IFT81: variants seen among roughly 807,000 people sequenced by gnomAD.
IFT81 encodes intraflagellar transport protein 81 homolog.
IFT81 carries 72 observed loss-of-function variants against 102.6 expected under a neutral mutation model. The observed-to-expected ratio is 0.70, with a 90% CI of 0.58 to 0.85. The LOEUF is 0.85. Ranked by LOEUF, IFT81 falls within the 40% of genes least tolerant of loss-of-function variation. The pLI, the probability that IFT81 is intolerant of heterozygous loss-of-function variation, is 0.00. For synonymous variants in IFT81, 237 were observed against 242.7 expected (o/e 0.98, Z 0.22); for missense variants, 723 against 787.3 (o/e 0.92, Z 0.98).
At chr12:110,175,836 A>G (rs1897012880) in intron 11 of IFT81, among the ~76,000 whole-genome samples, 1 of 151,878 alleles carries the variant, frequency 6.6e-6, no homozygotes, top group Non-Finnish European at 1.5e-5. Flanking sequence ...TTATTTTTAG[A>G]CAGAGTCTGT....
intron 12 of IFT81, among the ~76,000 whole-genome samples, chr12:110,188,798 A>C (rs1344819373): frequency 1.3e-5 from 2 of 151,268 alleles, no homozygotes; most frequent in Admixed American, 6.6e-5. Context: ...GCATAGTGGC[A>C]CGCGCCTGTA....
intron 8 of IFT81, among the ~76,000 whole-genome samples, chr12:110,141,493 T>C (rs1036545419): frequency 6.6e-6 from 1 of 152,242 alleles, no homozygotes; most frequent in African/African-American, 2.4e-5. Flanking sequence ...AAAAATAGTT[T>C]TAAGGCTTTG....
At chr12:110,139,854 AATAAAATAAAAT>A (rs1217128612) in intron 8 of IFT81, among the ~76,000 whole-genome samples, 2 of 108,276 alleles carry the variant, frequency 1.8e-5, no homozygotes, top group Non-Finnish European at 3.9e-5. Context: ...AAATAAATAA[AATAAAATAAAAT>A]ATAAAATAAA....
chr12:110,129,792 CTG>C (rs1385524487), intron 4 of IFT81, among the ~76,000 whole-genome samples: 2 of 151,856 alleles, frequency 1.3e-5, no homozygotes, highest in African/African-American at 4.8e-5. Context: ...TGGTCAAAGA[CTG>C]TGGAGAGAAA....
At chr12:110,202,239 T>C (rs1898319072) in intron 14 of IFT81, among the ~76,000 whole-genome samples, 2 of 152,200 alleles carry the variant, frequency 1.3e-5, no homozygotes. Flanking sequence ...GGGACTGCCA[T>C]CATATATGTG....
At chr12:110,204,568 A>G (rs1209000982) in intron 15 of IFT81, 1 of 153,172 alleles carries the variant, frequency 6.5e-6, no homozygotes, top group Non-Finnish European at 1.5e-5. Context: ...TGAGCTTTAA[A>G]CAGGCCAAGC....
intron 14 of IFT81, among the ~76,000 whole-genome samples, chr12:110,202,628 T>G (rs1898350266): frequency 6.6e-6 from 1 of 152,006 alleles, no homozygotes. Flanking sequence ...AATTTTTTTG[T>G]ATTTTTAGTA....
intron 14 of IFT81, among the ~76,000 whole-genome samples, chr12:110,203,181 G>A (rs1035573666): frequency 5.3e-5 from 8 of 152,108 alleles, no homozygotes; most frequent in African/African-American, 1.7e-4. Context: ...CAGGAGAATC[G>A]CATGAACCCA....
chr12:110,183,372 T>C (rs970175856), intron 12 of IFT81, among the ~76,000 whole-genome samples: 4 of 152,218 alleles, frequency 2.6e-5, no homozygotes, highest in Non-Finnish European at 5.9e-5. Context: ...CCTCAAGGGA[T>C]GATTCCTTAC....
intron 11 of IFT81, among the ~76,000 whole-genome samples, chr12:110,173,262 G>A (rs1292979621): frequency 1.3e-5 from 2 of 148,640 alleles, no homozygotes; most frequent in Non-Finnish European, 3.0e-5. Context: ...GGAGGTGAGG[G>A]GCGCCTCTGC....
Position 110,135,350 on chromosome 12 carries a change from A to G in IFT81, c.609A>G (p.Gln203=), listed in dbSNP as rs1894425578. Residue 203 remains glutamine, a synonymous_variant, in exon 7 of 19, where the codon CAA becomes CAG. Transcript: ENST00000242591. ...AGGTTGAGACAGCTCAGAATCATCA[A>G]TGGATGCTTAAAATAGCAAGGCAAC... is the stretch of plus-strand genomic sequence containing the variant. The part of the protein sequence containing the change: ...KKRVETAQNH[Q]WMLKIARQLR... 4 of 1,612,636 alleles carry G rather than the reference A, an allele frequency of 2.5e-6. No homozygotes were observed. The highest frequency in any genetic ancestry group is 1.1e-5 in the South Asian group (1 of 90,948).
At chr12:110,186,178 A>C (rs1273318373) in intron 12 of IFT81, among the ~76,000 whole-genome samples, 4 of 152,148 alleles carry the variant, frequency 2.6e-5, no homozygotes, top group African/African-American at 4.8e-5. Flanking sequence ...CGGCACTTTA[A>C]AGATTTAATT....
intron 14 of IFT81, among the ~76,000 whole-genome samples, chr12:110,194,473 T>A (rs780083972): frequency 1.4e-4 from 22 of 152,170 alleles, no homozygotes; most frequent in Admixed American, 2.0e-4. Context: ...AGATGGGGTC[T>A]GCTGTTGCCA....
At chr12:110,164,072 A>G (rs1304936669) in intron 11 of IFT81, among the ~76,000 whole-genome samples, 1 of 152,214 alleles carries the variant, frequency 6.6e-6, no homozygotes, top group Non-Finnish European at 1.5e-5. Context: ...AATATCATTA[A>G]GTTATTTTGT....
At chr12:110,180,311 ATGT>A in intron 11 of IFT81, 108 bp from the exon 12 acceptor site, 1 of 404,424 alleles carries the variant, frequency 2.5e-6, no homozygotes, top group Non-Finnish European at 4.3e-6. Flanking sequence ...TACGTGTGAC[ATGT>A]TGGGAAGTAG....
chr12:110,139,800 CAATAAAATAAAATAAAATAAATAAAATAA>C (rs1894753192), intron 8 of IFT81, among the ~76,000 whole-genome samples: 1 of 89,594 alleles, frequency 1.1e-5, no homozygotes, highest in South Asian at 3.3e-4. Context: ...TACATACATA[CAATAAAATAAAATAAAATAAATAAAATAA>C]AATAAAATAA....
intron 11 of IFT81, among the ~76,000 whole-genome samples, chr12:110,166,175 T>A (rs1382705258): frequency 2.0e-5 from 3 of 152,222 alleles, no homozygotes; most frequent in Non-Finnish European, 4.4e-5. Context: ...GTAAATGCTG[T>A]GTGTTAGTTC....
chr12:110,162,790 A>G (rs1896209086), intron 10 of IFT81, 129 bp from the exon 11 acceptor site: 1 of 692,522 alleles, frequency 1.4e-6, no homozygotes, highest in Non-Finnish European at 2.4e-6. Context: ...GGCAAGGAGT[A>G]TTGGTTAAGA....
At chr12:110,191,468 G>A (rs1897793422) in intron 13 of IFT81, among the ~76,000 whole-genome samples, 1 of 152,024 alleles carries the variant, frequency 6.6e-6, no homozygotes, top group African/African-American at 2.4e-5. Context: ...ACTACACCCG[G>A]TCTCATCTGT....
Sources: gnomAD v4.1 joint callset for allele counts (sites outside exome capture counted in the v4.1 genomes callset) on GRCh38, gnomAD v4.1.1 for gene constraint, MANE v1.5 for transcripts, NCBI Gene and HGNC (gene_info 2026-07-23, HGNC 2026-07-21) for gene names.